Variants in GRID2 observed in about 807,000 individuals in gnomAD.
GRID2 encodes the protein glutamate receptor ionotropic, delta-2.
GRID2 carries 33 observed loss-of-function variants against 114.8 expected under a neutral mutation model. That is an observed-to-expected ratio of 0.29 (90% CI 0.22 to 0.38). GRID2 has a LOEUF of 0.38. GRID2 is among the 10% of genes least tolerant of loss of function. The probability of loss-of-function intolerance (pLI) is 1.00; values close to 1 mark genes in which losing one functional copy is unlikely to be tolerated. For missense variants in GRID2, 1,184 were observed against 1,257.7 expected (o/e 0.94, Z 0.89); for synonymous variants, 505 against 449.9 (o/e 1.12, Z -1.55).
chr4:92,491,791 T>C (rs1367665866), intron 1 of GRID2, among the ~76,000 whole-genome samples: 1 of 152,180 alleles, frequency 6.6e-6, no homozygotes, highest in African/African-American at 2.4e-5. Flanking sequence ...AATTGTTCTA[T>C]GGTTTCTTCA....
At chr4:93,243,056 G>A (rs983262139) in intron 8 of GRID2, among the ~76,000 whole-genome samples, 3 of 151,854 alleles carry the variant, frequency 2.0e-5, no homozygotes, top group Non-Finnish European at 2.9e-5. Flanking sequence ...TATTATGAAA[G>A]GCACTATAAA....
At chr4:93,329,736 A>G (rs1758231063) in intron 8 of GRID2, among the ~76,000 whole-genome samples, 1 of 152,108 alleles carries the variant, frequency 6.6e-6, no homozygotes, top group Non-Finnish European at 1.5e-5. Flanking sequence ...ATATTTTCTC[A>G]AGGACACAGA....
intron 2 of GRID2, among the ~76,000 whole-genome samples, chr4:92,703,921 A>G (rs1350805836): frequency 6.6e-6 from 1 of 152,106 alleles, no homozygotes; most frequent in Admixed American, 6.5e-5. Flanking sequence ...TCACCATTCA[A>G]TGCCTGAAAA....
intron 4 of GRID2, among the ~76,000 whole-genome samples, chr4:93,131,934 C>G (rs1479880572): frequency 6.6e-6 from 1 of 152,152 alleles, no homozygotes; most frequent in African/African-American, 2.4e-5. Flanking sequence ...AGAATAGTGT[C>G]TCTCAGTATT....
chr4:93,411,282 C>G (rs1027759927), intron 9 of GRID2, among the ~76,000 whole-genome samples: 1 of 151,824 alleles, frequency 6.6e-6, no homozygotes, highest in Non-Finnish European at 1.5e-5. Flanking sequence ...TTTAAAGTAC[C>G]CAGCACATAC....
At chr4:92,739,549 A>G (rs943784770) in intron 2 of GRID2, among the ~76,000 whole-genome samples, 3 of 152,088 alleles carry the variant, frequency 2.0e-5, no homozygotes, top group Non-Finnish European at 2.9e-5. Flanking sequence ...TGGGTGTTTG[A>G]TTCTCAAACC....
chr4:92,730,653 A>G (rs1736286990), intron 2 of GRID2, among the ~76,000 whole-genome samples: 2 of 151,990 alleles, frequency 1.3e-5, no homozygotes, highest in Admixed American at 6.6e-5. Context: ...TGATTAGACT[A>G]AAACAAGCCC....
At chr4:92,958,027 T>G (rs1232591669) in intron 2 of GRID2, among the ~76,000 whole-genome samples, 1 of 152,096 alleles carries the variant, frequency 6.6e-6, no homozygotes, top group Non-Finnish European at 1.5e-5. Flanking sequence ...TATAATCACT[T>G]GTTAGTTTCA....
At chr4:92,675,748 G>T (rs1053351367) in intron 2 of GRID2, among the ~76,000 whole-genome samples, 3 of 151,792 alleles carry the variant, frequency 2.0e-5, no homozygotes, top group African/African-American at 7.3e-5. Context: ...TAAAGACAGG[G>T]TTTCACCATG....
intron 1 of GRID2, among the ~76,000 whole-genome samples, chr4:92,560,555 C>A (rs1727056765): frequency 1.3e-5 from 2 of 152,244 alleles, no homozygotes; most frequent in Admixed American, 6.5e-5. Flanking sequence ...CTTTATTGAT[C>A]AATGTTTCAC....
chr4:93,096,165 TC>T (rs900196076), intron 3 of GRID2, among the ~76,000 whole-genome samples: 28 of 152,030 alleles, frequency 1.8e-4, no homozygotes, highest in African/African-American at 6.7e-4. Context: ...CTGTATGGAA[TC>T]AAAACAAAAA....
At chr4:93,285,039 GTC>G (rs2149133810) in intron 8 of GRID2, among the ~76,000 whole-genome samples, 1 of 152,066 alleles carries the variant, frequency 6.6e-6, no homozygotes, top group East Asian at 1.9e-4. Flanking sequence ...GAAGCTTTTG[GTC>G]TCTCAATATC....
intron 10 of GRID2, among the ~76,000 whole-genome samples, chr4:93,443,787 T>C (rs1721842702): frequency 6.6e-6 from 1 of 151,862 alleles, no homozygotes; most frequent in African/African-American, 2.4e-5. Context: ...GGAGAGACTT[T>C]TTTTTTTCAG....
At chr4:93,495,138 G>T (rs940824237) in intron 12 of GRID2, among the ~76,000 whole-genome samples, 1 of 151,712 alleles carries the variant, frequency 6.6e-6, no homozygotes, top group South Asian at 2.1e-4. Flanking sequence ...CCATATTTTT[G>T]TGTTCAGTGC....
At chr4:93,308,307 C>T (rs550263931) in intron 8 of GRID2, among the ~76,000 whole-genome samples, 4 of 152,146 alleles carry the variant, frequency 2.6e-5, no homozygotes, top group South Asian at 4.2e-4. Flanking sequence ...TTTGTGGTTT[C>T]GAAAGTGTCT....
intron 14 of GRID2, among the ~76,000 whole-genome samples, chr4:93,732,906 G>T: frequency 7.0e-6 from 1 of 142,378 alleles, no homozygotes. Context: ...GCATATGTGG[G>T]GTCACTTTAA....
At chr4:93,120,684 T>C (rs1439801603) in intron 4 of GRID2, among the ~76,000 whole-genome samples, 1 of 152,136 alleles carries the variant, frequency 6.6e-6, no homozygotes, top group Non-Finnish European at 1.5e-5. Flanking sequence ...CTGGGCGCGG[T>C]GGCTCAGGCC....
intron 13 of GRID2, among the ~76,000 whole-genome samples, chr4:93,528,544 T>G (rs1356023104): frequency 6.6e-6 from 1 of 152,096 alleles, no homozygotes; most frequent in Non-Finnish European, 1.5e-5. Context: ...AGAGGCACTA[T>G]TTTGGCTAAT....
intron 13 of GRID2, among the ~76,000 whole-genome samples, chr4:93,555,605 G>C (rs1006119943): frequency 6.6e-6 from 1 of 152,236 alleles, no homozygotes; most frequent in Non-Finnish European, 1.5e-5. Context: ...AGCAACCCCA[G>C]TCAGGGGCTT....
Sources: gnomAD v4.1 joint callset for allele counts (sites outside exome capture counted in the v4.1 genomes callset) on GRCh38, gnomAD v4.1.1 for gene constraint, MANE v1.5 for transcripts, NCBI Gene and HGNC (gene_info 2026-07-23, HGNC 2026-07-21) for gene names.